Variants in CTNND2 observed in about 807,000 individuals in gnomAD.
The protein encoded by CTNND2 is catenin delta-2.
A neutral mutation model predicts 144.4 loss-of-function variants in CTNND2; 22 were observed. That is an observed-to-expected ratio of 0.15 (90% CI 0.11 to 0.22). The LOEUF is 0.22. CTNND2 is among the 10% of genes least tolerant of loss of function. The pLI, the probability that CTNND2 is intolerant of heterozygous loss-of-function variation, is 1.00. For missense variants in CTNND2, 1,353 were observed against 1,618.8 expected (o/e 0.84, Z 2.82); for synonymous variants, 751 against 695.6 (o/e 1.08, Z -1.25).
chr5:11,435,898 C>T (rs766438968), intron 3 of CTNND2, among the ~76,000 whole-genome samples: 2 of 152,144 alleles, frequency 1.3e-5, no homozygotes, highest in Non-Finnish European at 2.9e-5. Flanking sequence ...GTGTCAAATG[C>T]TCACATTTCT....
intron 2 of CTNND2, among the ~76,000 whole-genome samples, chr5:11,662,176 T>TAC (rs1561668893): frequency 1.4e-5 from 2 of 145,922 alleles, no homozygotes; most frequent in Non-Finnish European, 3.0e-5. Flanking sequence ...TGTGTATATA[T>TAC]ACATATATGT....
chr5:11,194,335 C>T (rs1736639324), intron 11 of CTNND2, among the ~76,000 whole-genome samples: 1 of 152,134 alleles, frequency 6.6e-6, no homozygotes, highest in African/African-American at 2.4e-5. Context: ...CCACTTTCAC[C>T]TAGGTTGAAA....
intron 2 of CTNND2, among the ~76,000 whole-genome samples, chr5:11,601,838 A>G (rs1779811788): frequency 6.6e-6 from 1 of 152,174 alleles, no homozygotes; most frequent in South Asian, 2.1e-4. Flanking sequence ...GAAAATACTC[A>G]GGCACACATT....
At chr5:11,631,933 G>T (rs1210528236) in intron 2 of CTNND2, among the ~76,000 whole-genome samples, 1 of 152,154 alleles carries the variant, frequency 6.6e-6, no homozygotes, top group African/African-American at 2.4e-5. Flanking sequence ...TAAATGTGTT[G>T]CCTGGGAGGA....
intron 3 of CTNND2, among the ~76,000 whole-genome samples, chr5:11,554,374 A>G (rs1347326432): frequency 1.3e-5 from 2 of 152,164 alleles, no homozygotes; most frequent in Admixed American, 1.3e-4. Context: ...TATTTACAAC[A>G]CAATTCAAGA....
Position 10,988,208 on chromosome 5 carries a change from G to A in CTNND2, c.3246C>T (p.Ser1082=). The change falls in exon 20 of 22, where the codon AGC becomes AGT. Residue 1082 remains serine, a synonymous_variant. Transcript: ENST00000304623. This position sits in a 1 kb window ranked among gnomAD's most constrained non-coding sequence, Gnocchi z 5.9. ...CGTAGTCTGTTTTCCTTTCTTTGAG[G>A]CTGATCATTTCCCGAGGTGAAGCTG... ...SAPASPREMI[S]LKERKTDYEC... is the part of the protein sequence containing the mutation. 5 of 1,614,164 alleles carry A rather than the reference G, an allele frequency of 3.1e-6. No homozygotes were observed. Among genetic ancestry groups the A allele is most frequent in the Non-Finnish European group, 4.2e-6 (5 of 1,180,028 alleles).
chr5:11,236,631 A>C, intron 10 of CTNND2, 60 bp downstream of exon 10: 1 of 1,560,146 alleles, frequency 6.4e-7, no homozygotes, highest in South Asian at 1.2e-5. Flanking sequence ...ATCAACATTA[A>C]GAAGATCTAA....
At chr5:11,184,298 A>C (rs972233527) in intron 11 of CTNND2, among the ~76,000 whole-genome samples, 6 of 152,242 alleles carry the variant, frequency 3.9e-5, no homozygotes, top group African/African-American at 1.4e-4. Flanking sequence ...GTTCACTGTT[A>C]AGTATATCTG....
At chr5:11,871,709 T>A (rs1560950718) in intron 1 of CTNND2, among the ~76,000 whole-genome samples, 1 of 152,166 alleles carries the variant, frequency 6.6e-6, no homozygotes, top group Non-Finnish European at 1.5e-5. Context: ...ATAATGTTGT[T>A]CATATTTTAG....
chr5:11,370,082 C>T (rs911694816), intron 7 of CTNND2, among the ~76,000 whole-genome samples: 1 of 151,812 alleles, frequency 6.6e-6, no homozygotes, highest in African/African-American at 2.4e-5. Context: ...CACGGAAACA[C>T]ATTTTTATTA....
intron 17 of CTNND2, 107 bp from the exon 18 acceptor site, chr5:11,018,165 T>G: frequency 1.4e-6 from 1 of 738,470 alleles, no homozygotes; most frequent in Non-Finnish European, 2.4e-6. Flanking sequence ...ATATCTATTA[T>G]GGTGATCTAT....
At chr5:11,641,761 CATAT>C (rs1176540990) in intron 2 of CTNND2, among the ~76,000 whole-genome samples, 40 of 144,490 alleles carry the variant, frequency 2.8e-4, no homozygotes, top group African/African-American at 1.0e-3. Context: ...TATGTACATA[CATAT>C]ACGTATATGT....
intron 3 of CTNND2, among the ~76,000 whole-genome samples, chr5:11,476,195 A>G (rs1488724901): frequency 6.6e-6 from 1 of 152,082 alleles, no homozygotes; most frequent in African/African-American, 2.4e-5. Context: ...CGGAAAACCC[A>G]CTTAAGAACT....
chr5:11,143,505 C>T (rs921878195), intron 12 of CTNND2, among the ~76,000 whole-genome samples: 1 of 152,172 alleles, frequency 6.6e-6, no homozygotes, highest in African/African-American at 2.4e-5. Context: ...CTGCCTTCAT[C>T]TTCACGTGGA....
chr5:11,268,716 C>T (rs1033414756), intron 9 of CTNND2, among the ~76,000 whole-genome samples: 2 of 152,058 alleles, frequency 1.3e-5, no homozygotes, highest in African/African-American at 4.8e-5. Context: ...TCATTTATGC[C>T]ATCACAATCT....
At chr5:11,145,566 C>T (rs1463168935) in intron 12 of CTNND2, among the ~76,000 whole-genome samples, 1 of 152,180 alleles carries the variant, frequency 6.6e-6, no homozygotes, top group Non-Finnish European at 1.5e-5. Flanking sequence ...ACACCTAGGA[C>T]AGAGTCTAGG....
At chr5:11,652,287 T>G (rs1782683466) in intron 2 of CTNND2, among the ~76,000 whole-genome samples, 1 of 152,166 alleles carries the variant, frequency 6.6e-6, no homozygotes, top group Non-Finnish European at 1.5e-5. Flanking sequence ...AAGACACACC[T>G]GCTTCCCTTT....
intron 2 of CTNND2, among the ~76,000 whole-genome samples, chr5:11,643,975 T>TA (rs1170988837): frequency 6.6e-5 from 10 of 152,214 alleles, no homozygotes; most frequent in Admixed American, 2.0e-4. Context: ...GAAGAAATGT[T>TA]AAAAAAAGGA....
intron 2 of CTNND2, among the ~76,000 whole-genome samples, chr5:11,694,995 T>C (rs1397610242): frequency 2.6e-5 from 4 of 152,170 alleles, no homozygotes; most frequent in African/African-American, 9.6e-5. Context: ...TTTTTAAAAA[T>C]GTTACATACA....
Sources: allele counts gnomAD v4.1 joint callset (sites outside exome capture counted in the v4.1 genomes callset), GRCh38; gene constraint gnomAD v4.1.1; non-coding constraint Gnocchi (gnomAD v3.1); transcripts MANE v1.5; gene names NCBI Gene and HGNC (gene_info 2026-07-23, HGNC 2026-07-21).